RALY: variants seen among roughly 807,000 people sequenced by gnomAD.
RALY encodes RALY heterogeneous nuclear ribonucleoprotein.
RALY carries 15 observed loss-of-function variants against 30.7 expected under a neutral mutation model. The observed-to-expected ratio is 0.49, with a 90% confidence interval of 0.33 to 0.75. RALY has a LOEUF of 0.75. Among genes scored for constraint, RALY ranks in the 30% least tolerant of loss-of-function variants. The pLI is 0.02. For synonymous variants in RALY, 177 were observed against 170.8 expected (o/e 1.04, Z -0.28); for missense variants, 339 against 414.3 (o/e 0.82, Z 1.58).
In RALY at chr20:34,078,540, C is replaced by A. The variant is rs748336434; in HGVS notation, c.912C>A (p.Ala304=). The A allele has an allele frequency of 1.3e-6, 2 of 1,587,798 alleles. No homozygotes were observed. Among genetic ancestry groups the A allele is most frequent in the South Asian group, 2.3e-5 (2 of 86,966 alleles). The change falls in exon 9 of 10, where the codon GCC becomes GCA. Residue 304 remains alanine, a synonymous_variant. Coordinates refer to ENST00000246194, the MANE Select transcript of RALY (RefSeq NM_016732.3). ...HSQDTDADDG[A]LQ is the part of the protein sequence containing the mutation. ...AGGACACAGACGCGGATGATGGGGC[C>A]TTGCAGTAAGCAGGTACAGGGGTCC...
At chr20:34,079,801 C>A (rs4911147) in intron 9 of RALY, 109 bp from the exon 10 acceptor site, 112,469 of 152,276 alleles carry the variant, frequency 0.74, 41,961 homozygotes, top group South Asian at 0.85. Flanking sequence ...GTGCAAGAAT[C>A]TCTCTGTCTC....
intron 2 of RALY, among the ~76,000 whole-genome samples, chr20:34,047,028 A>T (rs2032906078): frequency 6.6e-6 from 1 of 152,142 alleles, no homozygotes; most frequent in Non-Finnish European, 1.5e-5. Flanking sequence ...CATGTTGGTC[A>T]GGCTGGTTTC....
chr20:34,026,043 G>A (rs1011646126), intron 1 of RALY, among the ~76,000 whole-genome samples: 24 of 151,874 alleles, frequency 1.6e-4, no homozygotes, highest in Admixed American at 1.1e-3. Flanking sequence ...CCCAAGGCTT[G>A]TTAGCCTGGA....
intron 2 of RALY, among the ~76,000 whole-genome samples, chr20:34,064,857 G>C (rs2033523154): frequency 6.6e-6 from 1 of 152,138 alleles, no homozygotes; most frequent in African/African-American, 2.4e-5. Context: ...TGGGAGGTTG[G>C]TATAATTTCC....
At chr20:34,068,828 T>G (rs2122268773) in intron 2 of RALY, among the ~76,000 whole-genome samples, 1 of 152,276 alleles carries the variant, frequency 6.6e-6, no homozygotes, top group East Asian at 1.9e-4. Context: ...TCAACATGTG[T>G]GTGGTCACTC....
Position 34,005,507 on chromosome 20 carries a change from C to CAA in RALY, c.-93+11389_-93+11390dup, listed in dbSNP as rs535112985. Among the ~76,000 whole-genome samples the CAA allele has an allele frequency of 1.2e-3, 165 of 134,636 alleles. 1 individual carries two copies. Among genetic ancestry groups the CAA allele is most frequent in the African/African-American group, 4.3e-3 (157 of 36,308 alleles). 88.3% of individuals were successfully genotyped at this position (134,636 alleles called of 152,430 possible). A position where few individuals can be genotyped will look rare whatever the true frequency, so the allele number is the denominator to read the frequency against. On this transcript the variant is annotated intron_variant, in intron 1 of 9. Coordinates refer to ENST00000246194, the MANE Select transcript of RALY (RefSeq NM_016732.3). The stretch of plus-strand genomic sequence containing the variant: ...CTGGTGACAGAGTGAGACTCTTTCT[C>CAA]AAAAAAAAAAAAAATCTGACCTGGG...
rs966006806 is a variant in RALY, at chr20:34,046,166, C to G, written c.-10+14562C>G. On this transcript the variant is annotated intron_variant, in intron 2 of 9. Coordinates refer to ENST00000246194, the MANE Select transcript of RALY (RefSeq NM_016732.3). Reference sequence around the variant, plus strand: ...TGCATCCTTGCTCATGCTATTATTTCCACACCTGAACTGGCAGCCTGCTCT... The same window carrying G: ...TGCATCCTTGCTCATGCTATTATTTGCACACCTGAACTGGCAGCCTGCTCT... Among the ~76,000 whole-genome samples, 5 of 152,308 alleles carry G rather than the reference C, an allele frequency of 3.3e-5. No homozygotes were observed. The South Asian group carries it at 1.0e-3, about 32-fold the overall frequency.
chr20:34,042,507 T>TC (rs2032737884), intron 2 of RALY, among the ~76,000 whole-genome samples: 1 of 152,216 alleles, frequency 6.6e-6, no homozygotes. Context: ...GTGTCAGGCT[T>TC]CTCTTGCCTC....
chr20:34,058,500 C>CGT (rs1345972640), intron 2 of RALY, among the ~76,000 whole-genome samples: 10 of 67,742 alleles, frequency 1.5e-4, no homozygotes, highest in African/African-American at 1.6e-4. Context: ...GCCCTATCCC[C>CGT]ATACTTCTCA....
At chr20:34,004,778 G>A (rs1029090918) in intron 1 of RALY, among the ~76,000 whole-genome samples, 1 of 152,158 alleles carries the variant, frequency 6.6e-6, no homozygotes, top group Non-Finnish European at 1.5e-5. Context: ...TAAAATGGTT[G>A]GGGAGGGAAT....
intron 2 of RALY, among the ~76,000 whole-genome samples, chr20:34,038,900 A>G (rs1341003399): frequency 6.6e-6 from 1 of 152,202 alleles, no homozygotes; most frequent in African/African-American, 2.4e-5. Flanking sequence ...TTCTGATACC[A>G]TGTGTTGAGT....
At chr20:34,019,373 T>C (rs913210879) in intron 1 of RALY, among the ~76,000 whole-genome samples, 2 of 151,852 alleles carry the variant, frequency 1.3e-5, no homozygotes, top group African/African-American at 2.4e-5. Context: ...TAGCTCCAGT[T>C]CCTTTAACTC....
intron 2 of RALY, among the ~76,000 whole-genome samples, chr20:34,056,770 T>C (rs540392591): frequency 1.3e-5 from 2 of 152,272 alleles, no homozygotes; most frequent in South Asian, 4.1e-4. Context: ...CTGCCCAATA[T>C]GGTAATACAT....
At chr20:34,062,141 C>T (rs1326304146) in intron 2 of RALY, among the ~76,000 whole-genome samples, 1 of 151,632 alleles carries the variant, frequency 6.6e-6, no homozygotes, top group Non-Finnish European at 1.5e-5. Flanking sequence ...TCCTAGGAAC[C>T]AGGGACTTTA....
At chr20:34,079,736 C>T (rs1020082730) in intron 9 of RALY, among the ~76,000 whole-genome samples, 174 bp from the exon 10 acceptor site, 12 of 152,262 alleles carry the variant, frequency 7.9e-5, no homozygotes, top group East Asian at 1.9e-4. Context: ...GTTCAGAGAG[C>T]GGGTGAGACT....
chr20:34,066,884 A>G (rs1196205643), intron 2 of RALY, among the ~76,000 whole-genome samples: 1 of 152,182 alleles, frequency 6.6e-6, no homozygotes, highest in East Asian at 1.9e-4. Context: ...AAAATTCTGT[A>G]CAACTGTGAG....
intron 2 of RALY, among the ~76,000 whole-genome samples, chr20:34,063,479 T>C (rs2033476050): frequency 6.6e-6 from 1 of 152,200 alleles, no homozygotes; most frequent in Admixed American, 6.5e-5. Flanking sequence ...CTCAGTTGTA[T>C]CTGTAGAGTG....
chr20:34,032,642 T>A (rs1257905195), intron 2 of RALY, among the ~76,000 whole-genome samples: 6 of 152,138 alleles, frequency 3.9e-5, no homozygotes, highest in Admixed American at 6.5e-5. Context: ...ATTACAGATG[T>A]GTACCACCAC....
At chr20:34,002,375 C>T (rs1237869090) in intron 1 of RALY, among the ~76,000 whole-genome samples, 1 of 152,164 alleles carries the variant, frequency 6.6e-6, no homozygotes, top group African/African-American at 2.4e-5. Flanking sequence ...CCATTCGTTC[C>T]AGGAATTTGG....
Sources: gnomAD v4.1 joint callset for allele counts (sites outside exome capture counted in the v4.1 genomes callset) on GRCh38, gnomAD v4.1.1 for gene constraint, MANE v1.5 for transcripts, NCBI Gene and HGNC (gene_info 2026-07-23, HGNC 2026-07-21) for gene names.